Variants in BMP6 observed in about 807,000 individuals in gnomAD.
BMP6 encodes the protein VG-1-R.
Under a neutral mutation model 54.1 loss-of-function variants are expected in BMP6, and 17 were observed. That is an observed-to-expected ratio of 0.31 (90% CI 0.22 to 0.47). BMP6 has a LOEUF of 0.47. Among genes scored for constraint, BMP6 ranks in the 20% least tolerant of loss-of-function variants. The probability of loss-of-function intolerance (pLI) is 1.00; values close to 1 mark genes in which losing one functional copy is unlikely to be tolerated. For synonymous variants in BMP6, 328 were observed against 291.2 expected, an observed-to-expected ratio of 1.13 and a Z score of -1.28; for missense variants, 720 against 690.4, an observed-to-expected ratio of 1.04 and a Z score of -0.48.
intron 1 of BMP6, among the ~76,000 whole-genome samples, chr6:7,836,878 C>T (rs908419622): frequency 6.6e-6 from 1 of 152,220 alleles, no homozygotes; most frequent in Non-Finnish European, 1.5e-5. Context: ...GCTGTCGTTA[C>T]AACCCTTGGA....
intron 4 of BMP6, among the ~76,000 whole-genome samples, chr6:7,864,024 A>G (rs1298256925): frequency 6.6e-6 from 1 of 152,038 alleles, no homozygotes; most frequent in African/African-American, 2.4e-5. Flanking sequence ...AAAAAAAAAA[A>G]AAAGTTCTCC....
At chr6:7,742,268 T>C (rs1416399664) in intron 1 of BMP6, among the ~76,000 whole-genome samples, 1 of 152,230 alleles carries the variant, frequency 6.6e-6, no homozygotes, top group African/African-American at 2.4e-5. Context: ...ATTATGACTT[T>C]AATAAGTATG....
intron 1 of BMP6, among the ~76,000 whole-genome samples, chr6:7,738,060 A>G (rs1446495099): frequency 1.3e-5 from 2 of 152,078 alleles, no homozygotes; most frequent in African/African-American, 4.8e-5. Context: ...TATTGGCTAG[A>G]TCAGCATTTT....
intron 2 of BMP6, among the ~76,000 whole-genome samples, chr6:7,848,368 T>C (rs1025536217): frequency 6.6e-6 from 1 of 152,154 alleles, no homozygotes; most frequent in Non-Finnish European, 1.5e-5. Flanking sequence ...AACTTGTCTT[T>C]GAGATATTTT....
At chr6:7,844,522 G>A (rs1759029501) in intron 1 of BMP6, among the ~76,000 whole-genome samples, 1 of 152,134 alleles carries the variant, frequency 6.6e-6, no homozygotes, top group African/African-American at 2.4e-5. Flanking sequence ...CTACCAGTAG[G>A]AGGAAGGCAT....
chr6:7,875,597 G>A (rs535979156), intron 4 of BMP6, among the ~76,000 whole-genome samples: 1 of 152,264 alleles, frequency 6.6e-6, no homozygotes, highest in South Asian at 2.1e-4. Flanking sequence ...GAGCCCAGGA[G>A]GTCAAGTCTG....
At chr6:7,774,289 C>T (rs948567525) in intron 1 of BMP6, among the ~76,000 whole-genome samples, 4 of 152,196 alleles carry the variant, frequency 2.6e-5, no homozygotes, top group Non-Finnish European at 5.9e-5. Flanking sequence ...GTGGCTCACG[C>T]CGGTAATCCC....
At chr6:7,774,811 G>A (rs1380890346) in intron 1 of BMP6, among the ~76,000 whole-genome samples, 1 of 152,198 alleles carries the variant, frequency 6.6e-6, no homozygotes, top group Non-Finnish European at 1.5e-5. Context: ...CTATAACAAT[G>A]CCACAGGCTT....
At chr6:7,779,967 C>T (rs1757919039) in intron 1 of BMP6, among the ~76,000 whole-genome samples, 1 of 152,132 alleles carries the variant, frequency 6.6e-6, no homozygotes, top group African/African-American at 2.4e-5. Flanking sequence ...CACAGGCCAC[C>T]TTTGGGAAAC....
At chr6:7,798,888 C>T (rs746235657) in intron 1 of BMP6, among the ~76,000 whole-genome samples, 5 of 152,190 alleles carry the variant, frequency 3.3e-5, no homozygotes, top group Admixed American at 2.0e-4. Context: ...CATGGCCAGA[C>T]GCCAGAGTGA....
chr6:7,800,675 C>G (rs1758255846), intron 1 of BMP6, among the ~76,000 whole-genome samples: 1 of 152,154 alleles, frequency 6.6e-6, no homozygotes, highest in Non-Finnish European at 1.5e-5. Context: ...ATATTTACTT[C>G]TAGTTATCCT....
intron 1 of BMP6, among the ~76,000 whole-genome samples, chr6:7,796,332 T>C (rs552104397): frequency 1.3e-5 from 2 of 152,236 alleles, no homozygotes; most frequent in Non-Finnish European, 2.9e-5. Flanking sequence ...TGGCAGATTT[T>C]ATGAGGATGA....
intron 1 of BMP6, among the ~76,000 whole-genome samples, chr6:7,780,157 C>T (rs966008884): frequency 1.5e-4 from 23 of 152,170 alleles, no homozygotes; most frequent in African/African-American, 5.3e-4. Flanking sequence ...TAAATGTTCT[C>T]GCACTTGTGT....
chr6:7,828,839 C>T (rs1758743806), intron 1 of BMP6, among the ~76,000 whole-genome samples: 1 of 152,142 alleles, frequency 6.6e-6, no homozygotes, highest in Admixed American at 6.5e-5. Flanking sequence ...GCAGATGCCC[C>T]CGATTAGGGA....
At chr6:7,733,512 C>A (rs533237585) in intron 1 of BMP6, among the ~76,000 whole-genome samples, 19 of 152,296 alleles carry the variant, frequency 1.2e-4, no homozygotes, top group Admixed American at 6.5e-4. Flanking sequence ...CCTGTCCCCC[C>A]CTCCCTAGGC....
Position 7,880,342 on chromosome 6 carries a change from A to G in BMP6, c.1541A>G (p.Ter514=). The change falls in exon 7 of 7, where the codon TAA becomes TGA. Residue 514 remains the stop codon, a stop_retained_variant. Transcript: ENST00000283147. ...GTTGTAAGAGCTTGTGGATGCCACTAACTCGAAACCAGATGCTGGGGACAC... is the reference window on the plus strand; with the variant it reads ...GTTGTAAGAGCTTGTGGATGCCACTGACTCGAAACCAGATGCTGGGGACAC... ...NMVVRACGCH[*] 1 of 1,614,100 alleles carries G rather than the reference A, an allele frequency of 6.2e-7. No homozygotes were observed. The highest frequency in any genetic ancestry group is 1.7e-5 in the Admixed American group (1 of 60,024).
At chr6:7,792,945 C>T (rs112059631) in intron 1 of BMP6, among the ~76,000 whole-genome samples, 13 of 152,246 alleles carry the variant, frequency 8.5e-5, no homozygotes, top group African/African-American at 3.1e-4. Context: ...AATATAGTTA[C>T]GTGTTTTTTT....
At chr6:7,747,402 G>A (rs912354113) in intron 1 of BMP6, among the ~76,000 whole-genome samples, 2 of 152,162 alleles carry the variant, frequency 1.3e-5, no homozygotes, top group Admixed American at 6.5e-5. Context: ...AGAGGGACTC[G>A]AAACATGAGC....
intron 1 of BMP6, among the ~76,000 whole-genome samples, chr6:7,843,338 TA>T (rs1759007187): frequency 6.6e-6 from 1 of 151,964 alleles, no homozygotes; most frequent in Non-Finnish European, 1.5e-5. Flanking sequence ...AAATTCTTTT[TA>T]AAAAATCTTG....
Sources: gnomAD v4.1 joint callset for allele counts (sites outside exome capture counted in the v4.1 genomes callset) on GRCh38, gnomAD v4.1.1 for gene constraint, MANE v1.5 for transcripts, NCBI Gene and HGNC (gene_info 2026-07-23, HGNC 2026-07-21) for gene names.